KTN1: variants seen among roughly 807,000 people sequenced by gnomAD.
KTN1 encodes kinectin 1, also known as kinectin.
A neutral mutation model predicts 222.5 loss-of-function variants in KTN1; 130 were observed. The observed-to-expected ratio is 0.58, with a 90% CI of 0.51 to 0.68. KTN1 has a LOEUF of 0.68. Among genes scored for constraint, KTN1 ranks in the 30% least tolerant of loss-of-function variants. KTN1 has a pLI of 0.00. For missense variants in KTN1, 1,508 were observed against 1,500.4 expected (o/e 1.01, Z -0.08); for synonymous variants, 512 against 496.3 (o/e 1.03, Z -0.42).
At chr14:55,658,422 C>A in intron 29 of KTN1, 124 bp from the exon 30 acceptor site, 2 of 660,004 alleles carry the variant, frequency 3.0e-6, no homozygotes. Context: ...GCTTATTACA[C>A]CCTTTAAAAT....
At chr14:55,650,917 G>A (rs1026180006) in intron 24 of KTN1, among the ~76,000 whole-genome samples, 2 of 151,956 alleles carry the variant, frequency 1.3e-5, no homozygotes, top group Admixed American at 6.6e-5. Context: ...AAACAGTTTG[G>A]CAATTTTTTT....
At chr14:55,665,628 A>G (rs2044648603) in intron 33 of KTN1, among the ~76,000 whole-genome samples, 1 of 152,032 alleles carries the variant, frequency 6.6e-6, no homozygotes, top group African/African-American at 2.4e-5. Context: ...CTAAAATGTA[A>G]AGAGGATGAT....
intron 34 of KTN1, among the ~76,000 whole-genome samples, chr14:55,669,419 G>C (rs1395203650): frequency 6.6e-6 from 1 of 151,906 alleles, no homozygotes; most frequent in Non-Finnish European, 1.5e-5. Flanking sequence ...TTAGAGTCTG[G>C]CATTTTAGGT....
intron 6 of KTN1, among the ~76,000 whole-genome samples, chr14:55,629,112 C>T (rs2040202173): frequency 6.6e-6 from 1 of 151,974 alleles, no homozygotes; most frequent in South Asian, 2.1e-4. Flanking sequence ...AAATGAAATC[C>T]CTCATTTAAG....
chr14:55,679,746 G>T lies in KTN1; in HGVS notation c.4069+61G>T, dbSNP rs1011346019. 10 of 1,500,618 alleles carry T rather than the reference G, an allele frequency of 6.7e-6. No individual in the cohort carries two copies. In the Admixed American group the frequency reaches 1.3e-4, roughly 19 times the overall value. 93.0% of individuals were successfully genotyped at this position (1,500,618 alleles called of 1,614,324 possible). A position where few individuals can be genotyped will look rare whatever the true frequency, so the allele number is the denominator to read the frequency against. On this transcript the variant is annotated intron_variant, in intron 43 of 43. Coordinates refer to ENST00000395314, the MANE Select transcript of KTN1 (RefSeq NM_001079521.2). ...TTGATGTTATGTGTCTGTGTAATGT[G>T]TATTTACATAAATAAACTCACTTCA...
chr14:55,659,110 C>A (rs1004299964), intron 30 of KTN1, among the ~76,000 whole-genome samples: 4 of 152,036 alleles, frequency 2.6e-5, no homozygotes, highest in African/African-American at 9.7e-5. Context: ...TTAATTTATG[C>A]ATGTATATGG....
At chr14:55,649,052 A>G (rs1234860617) in intron 21 of KTN1, among the ~76,000 whole-genome samples, 182 bp downstream of exon 21, 1 of 152,172 alleles carries the variant, frequency 6.6e-6, no homozygotes, top group African/African-American at 2.4e-5. Context: ...TCAGTCTTCT[A>G]AGTAGCTAAG....
At chr14:55,596,617 G>T (rs987270586) in intron 1 of KTN1, among the ~76,000 whole-genome samples, 7 of 152,136 alleles carry the variant, frequency 4.6e-5, no homozygotes, top group African/African-American at 1.4e-4. Flanking sequence ...AAGGTTCATG[G>T]TGTGCTGTGT....
intron 1 of KTN1, among the ~76,000 whole-genome samples, chr14:55,588,995 A>G (rs1196768957): frequency 6.6e-6 from 1 of 152,176 alleles, no homozygotes; most frequent in South Asian, 2.1e-4. Flanking sequence ...ATCTGCATGA[A>G]GTGGACCCAC....
chr14:55,598,506 A>T (rs1019858536), intron 1 of KTN1, among the ~76,000 whole-genome samples: 57 of 74,362 alleles, frequency 7.7e-4, no homozygotes, highest in African/African-American at 1.9e-3. Context: ...ACTGTTCATT[A>T]AAAAAAAAAA....
At chr14:55,663,374 G>T (rs2044350794) in intron 32 of KTN1, 1 of 174,118 alleles carries the variant, frequency 5.7e-6, no homozygotes, top group Admixed American at 5.7e-5. Flanking sequence ...CCTTTGCTTT[G>T]ATCAACTAGC....
intron 21 of KTN1, among the ~76,000 whole-genome samples, chr14:55,649,374 T>G (rs1434678839): frequency 6.6e-6 from 1 of 151,880 alleles, no homozygotes; most frequent in Admixed American, 6.6e-5. Flanking sequence ...TGCCAGGTAC[T>G]GTGACAAATA....
intron 10 of KTN1, 80 bp downstream of exon 10, chr14:55,636,616 T>A: frequency 9.9e-7 from 1 of 1,009,696 alleles, no homozygotes; most frequent in Non-Finnish European, 1.5e-6. Context: ...GTGAAGAAAG[T>A]ATAATTTGGC....
chr14:55,667,380 G>C (rs182857830), intron 34 of KTN1, 50 bp downstream of exon 34: 1 of 1,078,680 alleles, frequency 9.3e-7, no homozygotes, highest in South Asian at 1.4e-5. Context: ...TTCAAGAAAG[G>C]TGTGAATAAG....
intron 1 of KTN1, among the ~76,000 whole-genome samples, chr14:55,609,163 G>A (rs1327730421): frequency 6.6e-6 from 1 of 151,914 alleles, no homozygotes; most frequent in Non-Finnish European, 1.5e-5. Flanking sequence ...GCCCCCACCC[G>A]CAACAGGCCC....
Position 55,651,946 on chromosome 14 carries a change from A to G in KTN1, c.2603+19A>G. The G allele has an allele frequency of 6.8e-7, 1 of 1,465,790 alleles. No homozygotes were observed. The highest frequency in any genetic ancestry group is 1.2e-5 in the South Asian group (1 of 83,308). The allele number at this position is 1,465,790 out of a possible 1,614,324, so 90.8% of individuals were successfully genotyped here. On this transcript the variant is annotated intron_variant, in intron 25 of 43. Transcript: ENST00000395314. ...AGAACTTGTAAGTACCATTTATCTCATTTCCTTTTACTATTTCTTTTTCAT... is the reference window on the plus strand; with the variant it reads ...AGAACTTGTAAGTACCATTTATCTCGTTTCCTTTTACTATTTCTTTTTCAT...
intron 10 of KTN1, among the ~76,000 whole-genome samples, chr14:55,636,989 A>C (rs1028911114): frequency 6.6e-6 from 1 of 152,026 alleles, no homozygotes; most frequent in Non-Finnish European, 1.5e-5. Context: ...CTGGGAGATA[A>C]TGGAGTACGT....
chr14:55,649,474 C>T (rs776342557), intron 21 of KTN1, among the ~76,000 whole-genome samples: 31 of 151,974 alleles, frequency 2.0e-4, no homozygotes, highest in Non-Finnish European at 3.5e-4. Flanking sequence ...AAAGAGGCCG[C>T]CTGAAATTAG....
chr14:55,636,937 A>G (rs777807365), intron 10 of KTN1, among the ~76,000 whole-genome samples: 5 of 151,980 alleles, frequency 3.3e-5, no homozygotes, highest in Non-Finnish European at 7.4e-5. Context: ...CATTTAATAC[A>G]TGCTAACGTT....
Sources: gnomAD v4.1 joint callset for allele counts (sites outside exome capture counted in the v4.1 genomes callset) on GRCh38, gnomAD v4.1.1 for gene constraint, MANE v1.5 for transcripts, NCBI Gene and HGNC (gene_info 2026-07-23, HGNC 2026-07-21) for gene names.